The following NAT1 variants were observed in gnomAD, a reference collection of about 807,000 sequenced individuals.
NAT1 encodes N-acetyltransferase 1, also known as arylamine N-acetyltransferase 1.
For missense variants in NAT1, 400 were observed against 339.2 expected (o/e 1.18, Z -1.41); for synonymous variants, 144 against 122.6 (o/e 1.17, Z -1.16).
At chr8:18,219,799 A>G (rs1805094044) in intron 2 of NAT1, among the ~76,000 whole-genome samples, 1 of 152,156 alleles carries the variant, frequency 6.6e-6, no homozygotes, top group African/African-American at 2.4e-5. Context: ...AACAAAACTG[A>G]CTTCTTTCAA....
At chr8:18,214,611 G>A (rs954958994) in intron 1 of NAT1, among the ~76,000 whole-genome samples, 32 of 151,216 alleles carry the variant, frequency 2.1e-4, no homozygotes, top group Non-Finnish European at 3.7e-4. Context: ...ATGTTGTATC[G>A]AACTTTCCCA....
At chr8:18,181,993 A>G (rs1023677668) in intron 2 of NAT1, among the ~76,000 whole-genome samples, 1 of 152,150 alleles carries the variant, frequency 6.6e-6, no homozygotes, top group African/African-American at 2.4e-5. Flanking sequence ...ATTCCAATAC[A>G]AATTCCCATA....
chr8:18,206,264 G>A (rs1803715922), upstream of NAT1, among the ~76,000 whole-genome samples: 1 of 152,168 alleles, frequency 6.6e-6, no homozygotes, highest in South Asian at 2.1e-4. Context: ...CCCATGTAGG[G>A]TTCCCAGGTT....
At chr8:18,178,223 C>A (rs1257227820) in intron 2 of NAT1, among the ~76,000 whole-genome samples, 1 of 152,082 alleles carries the variant, frequency 6.6e-6, no homozygotes, top group Non-Finnish European at 1.5e-5. Context: ...TGTTTAGCAA[C>A]TGTTTTGCAT....
chr8:18,188,474 A>G (rs1236140555), intron 2 of NAT1, among the ~76,000 whole-genome samples: 1 of 152,178 alleles, frequency 6.6e-6, no homozygotes, highest in Non-Finnish European at 1.5e-5. Context: ...AGTCTTAGTT[A>G]TAACTTTATT....
At chr8:18,174,818 G>A (rs1258441827) in intron 2 of NAT1, among the ~76,000 whole-genome samples, 1 of 151,996 alleles carries the variant, frequency 6.6e-6, no homozygotes, top group East Asian at 1.9e-4. Context: ...TACAGAAAAG[G>A]ATTGGCTCTA....
chr8:18,203,655 T>C (rs565979610), intron 2 of NAT1, among the ~76,000 whole-genome samples: 7 of 152,340 alleles, frequency 4.6e-5, no homozygotes, highest in Admixed American at 2.6e-4. Context: ...TCCTCACAGC[T>C]CTGTCCTCCA....
chr8:18,172,092 A>G (rs970846108), intron 2 of NAT1, among the ~76,000 whole-genome samples: 1 of 152,198 alleles, frequency 6.6e-6, no homozygotes, highest in South Asian at 2.1e-4. Flanking sequence ...TAAGGACAAC[A>G]GTGAAAACTG....
intron 2 of NAT1, among the ~76,000 whole-genome samples, chr8:18,180,915 G>A (rs989732851): frequency 3.3e-5 from 5 of 152,092 alleles, no homozygotes; most frequent in African/African-American, 9.7e-5. Flanking sequence ...TAGCTTTATA[G>A]TATAATTTGA....
At chr8:18,174,487 C>T (rs1431425065) in intron 2 of NAT1, among the ~76,000 whole-genome samples, 2 of 152,014 alleles carry the variant, frequency 1.3e-5, no homozygotes, top group African/African-American at 4.8e-5. Context: ...CTGGAAAATT[C>T]TTAAGTTGTC....
At chr8:18,185,783 T>C (rs1802707789) in intron 2 of NAT1, among the ~76,000 whole-genome samples, 2 of 152,200 alleles carry the variant, frequency 1.3e-5, no homozygotes, top group Non-Finnish European at 2.9e-5. Context: ...TTAAAATTCA[T>C]ATAAATGCAT....
At chr8:18,193,431 T>C (rs1437939562) in intron 2 of NAT1, among the ~76,000 whole-genome samples, 1 of 145,060 alleles carries the variant, frequency 6.9e-6, no homozygotes, top group Non-Finnish European at 1.5e-5. Flanking sequence ...CACTCCAACC[T>C]GGGTGAGAGA....
intron 2 of NAT1, among the ~76,000 whole-genome samples, chr8:18,174,885 G>C (rs1802229110): frequency 6.6e-6 from 1 of 152,062 alleles, no homozygotes; most frequent in Non-Finnish European, 1.5e-5. Flanking sequence ...TAAGAAGAGT[G>C]AGAGAAAACA....
intron 2 of NAT1, among the ~76,000 whole-genome samples, chr8:18,182,572 T>A (rs1200995336): frequency 1.3e-5 from 2 of 152,208 alleles, no homozygotes; most frequent in Non-Finnish European, 2.9e-5. Flanking sequence ...TGTCATGAAT[T>A]TGGTGTCCAC....
At chr8:18,179,731 G>A (rs1457098056) in intron 2 of NAT1, among the ~76,000 whole-genome samples, 1 of 98,452 alleles carries the variant, frequency 1.0e-5, no homozygotes, top group African/African-American at 3.9e-5. Context: ...CATAGTACTA[G>A]GGCCCTAGGG....
At chr8:18,218,597 G>A (rs1170561753) in intron 1 of NAT1, among the ~76,000 whole-genome samples, 2 of 152,162 alleles carry the variant, frequency 1.3e-5, no homozygotes, top group East Asian at 3.8e-4. Flanking sequence ...GCAGTTGTAA[G>A]CTCATGATTT....
intron 2 of NAT1, among the ~76,000 whole-genome samples, chr8:18,171,720 G>C (rs532762533): frequency 2.6e-5 from 4 of 152,272 alleles, no homozygotes; most frequent in South Asian, 4.1e-4. Context: ...GGACAAACCA[G>C]ACTGCAGAGT....
upstream of NAT1, among the ~76,000 whole-genome samples, chr8:18,209,257 G>A (rs914756279): frequency 2.6e-5 from 4 of 152,272 alleles, no homozygotes; most frequent in Non-Finnish European, 4.4e-5. Flanking sequence ...CCGAGTTCAC[G>A]TGGCAGGACG....
chr8:18,188,605 C>A (rs1802839768), intron 2 of NAT1, among the ~76,000 whole-genome samples: 1 of 151,804 alleles, frequency 6.6e-6, no homozygotes, highest in Non-Finnish European at 1.5e-5. Context: ...TTGAATTTTT[C>A]TTTAATATAA....
Sources: allele counts gnomAD v4.1 joint callset (sites outside exome capture counted in the v4.1 genomes callset), GRCh38; gene constraint gnomAD v4.1.1; transcripts MANE v1.5; gene names NCBI Gene and HGNC (gene_info 2026-07-23, HGNC 2026-07-21).